Variants in USP18 observed in about 807,000 individuals in gnomAD.
USP18 encodes the protein ubl carboxyl-terminal hydrolase 18.
A neutral mutation model predicts 48.7 loss-of-function variants in USP18; 11 were observed. The ratio of observed to expected loss-of-function variants is 0.23; its 90% CI spans 0.14 to 0.37. The LOEUF (loss-of-function observed/expected upper bound fraction) is 0.37. Ranked by LOEUF, USP18 falls within the 10% of genes least tolerant of loss-of-function variation. The pLI is 1.00. For synonymous variants in USP18, 114 were observed against 163.2 expected (o/e 0.70, Z 2.30); for missense variants, 285 against 436.4 (o/e 0.65, Z 3.09).
chr22:18,150,844 C>T (rs1428103779), intron 1 of USP18, among the ~76,000 whole-genome samples: 2 of 152,158 alleles, frequency 1.3e-5, no homozygotes, highest in African/African-American at 2.4e-5. Context: ...CCCAGCTACT[C>T]GGGAGGCTGA....
chr22:18,162,683 T>C (rs1391801640), intron 4 of USP18, among the ~76,000 whole-genome samples: 1 of 151,376 alleles, frequency 6.6e-6, no homozygotes, highest in Admixed American at 6.6e-5. Flanking sequence ...CAGGGATACG[T>C]TCTGAAAATG....
At chr22:18,170,326 T>G (rs1433186469) in intron 7 of USP18, among the ~76,000 whole-genome samples, 1 of 152,050 alleles carries the variant, frequency 6.6e-6, no homozygotes, top group Non-Finnish European at 1.5e-5. Flanking sequence ...CCATGGTGGG[T>G]GAGAAAGGGA....
At chr22:18,156,348 A>G (rs545921003) in intron 1 of USP18, among the ~76,000 whole-genome samples, 2 of 152,362 alleles carry the variant, frequency 1.3e-5, no homozygotes, top group Non-Finnish European at 2.9e-5. Flanking sequence ...TGCCCGAGCC[A>G]GCAGTGGCAA....
At chr22:18,155,690 G>C (rs575614707) in intron 1 of USP18, among the ~76,000 whole-genome samples, 7 of 152,334 alleles carry the variant, frequency 4.6e-5, no homozygotes, top group South Asian at 4.1e-4. Context: ...TGCTGTGCTC[G>C]ATTTCTCGCC....
intron 4 of USP18, 93 bp downstream of exon 4, chr22:18,162,028 A>G: frequency 6.8e-7 from 1 of 1,473,992 alleles, no homozygotes; most frequent in South Asian, 1.4e-5. Flanking sequence ...CAGTGAAGCA[A>G]CAAGAAGCAA....
At chr22:18,152,819 C>T (rs555698037) in intron 1 of USP18, among the ~76,000 whole-genome samples, 25 of 152,232 alleles carry the variant, frequency 1.6e-4, no homozygotes, top group East Asian at 3.9e-4. Context: ...CCTTTGGGAC[C>T]GAGCCTGCTC....
At chr22:18,167,602 G>A (rs1929508473) in intron 5 of USP18, among the ~76,000 whole-genome samples, 1 of 151,588 alleles carries the variant, frequency 6.6e-6, no homozygotes, top group Non-Finnish European at 1.5e-5. Context: ...GGAGGCTGAG[G>A]CGGGAGAATG....
At chr22:18,163,457 CA>C (rs1218243493) in intron 4 of USP18, among the ~76,000 whole-genome samples, 1 of 151,952 alleles carries the variant, frequency 6.6e-6, no homozygotes, top group African/African-American at 2.4e-5. Flanking sequence ...TCCTGGCTAA[CA>C]CGGTGAAACC....
intron 4 of USP18, among the ~76,000 whole-genome samples, chr22:18,165,566 C>T (rs1434021163): frequency 1.4e-5 from 2 of 145,590 alleles, no homozygotes; most frequent in Non-Finnish European, 3.0e-5. Context: ...TCACCTTTCG[C>T]CTACCCCTCT....
At chr22:18,167,373 G>A (rs1308511827) in intron 5 of USP18, 39 bp downstream of exon 5, 1 of 1,609,494 alleles carries the variant, frequency 6.2e-7, no homozygotes, top group Non-Finnish European at 8.5e-7. Context: ...AGCTTAAGAT[G>A]CTGCTCATTT....
chr22:18,157,855 T>C, intron 2 of USP18, 35 bp downstream of exon 2: 1 of 1,611,594 alleles, frequency 6.2e-7, no homozygotes. Context: ...TCTTCTTGAC[T>C]GCATGTAAAT....
chr22:18,170,688 C>T, intron 7 of USP18, 65 bp from the exon 8 acceptor site: 1 of 1,588,826 alleles, frequency 6.3e-7, no homozygotes, highest in Non-Finnish European at 8.6e-7. Context: ...GTTGCTAGCC[C>T]TGACATTTCT....
intron 10 of USP18, among the ~76,000 whole-genome samples, chr22:18,176,138 C>T (rs1385249880): frequency 2.1e-5 from 2 of 93,486 alleles, no homozygotes; most frequent in African/African-American, 5.1e-5. Flanking sequence ...AAAAGTTAGC[C>T]GGGCGTGGTG....
At chr22:18,160,882 G>A (rs1929313176) in intron 3 of USP18, among the ~76,000 whole-genome samples, 3 of 149,162 alleles carry the variant, frequency 2.0e-5, no homozygotes, top group South Asian at 4.2e-4. Flanking sequence ...GGATTCTCCT[G>A]CCTCAGCCTC....
At chr22:18,151,212 C>T (rs183341672) in intron 1 of USP18, among the ~76,000 whole-genome samples, 1 of 152,116 alleles carries the variant, frequency 6.6e-6, no homozygotes, top group East Asian at 1.9e-4. Flanking sequence ...CTTCTTCACA[C>T]CCTTTTCCTT....
At chr22:18,173,750 T>C in intron 9 of USP18, 43 bp from the exon 10 acceptor site, 1 of 1,604,670 alleles carries the variant, frequency 6.2e-7, no homozygotes, top group Non-Finnish European at 8.5e-7. Flanking sequence ...TGTGGGTGCT[T>C]GTGTCAGCTG....
At chr22:18,162,806 T>C (rs913477662) in intron 4 of USP18, among the ~76,000 whole-genome samples, 8 of 152,180 alleles carry the variant, frequency 5.3e-5, no homozygotes, top group Admixed American at 6.5e-5. Flanking sequence ...TGTGCTCATG[T>C]GGTCTGCCAT....
Position 18,157,517 on chromosome 22 carries a change from T to C in USP18, c.-106-41T>C, listed in dbSNP as rs1269017957. On this transcript the variant is annotated intron_variant, in intron 1 of 10. Transcript: ENST00000215794. Reference sequence around the variant, plus strand: ...AACGGATTACATGAATACACATTCCTCCTTCTCTAATTCTTGCCTACCCGC... The same window carrying C: ...AACGGATTACATGAATACACATTCCCCCTTCTCTAATTCTTGCCTACCCGC... The C allele has an allele frequency of 6.9e-6, 7 of 1,018,210 alleles. No homozygotes were observed. In the Admixed American group the frequency reaches 1.3e-4, roughly 19 times the overall value. The allele number at this position is 1,018,210 out of a possible 1,614,324, so 63.1% of individuals were successfully genotyped here. A position where few individuals can be genotyped will look rare whatever the true frequency, so the allele number is the denominator to read the frequency against.
chr22:18,158,616 G>A (rs1929234456), intron 2 of USP18, among the ~76,000 whole-genome samples: 1 of 152,148 alleles, frequency 6.6e-6, no homozygotes, highest in Admixed American at 6.5e-5. Flanking sequence ...CCTAAGGTTG[G>A]GTTGGAAAAG....
Sources: allele counts gnomAD v4.1 joint callset (sites outside exome capture counted in the v4.1 genomes callset), GRCh38; gene constraint gnomAD v4.1.1; transcripts MANE v1.5; gene names NCBI Gene and HGNC (gene_info 2026-07-23, HGNC 2026-07-21).